The following FARS2 variants were observed in gnomAD, a reference collection of about 807,000 sequenced individuals.
The protein encoded by FARS2 is phenylalanine--tRNA ligase, mitochondrial.
A neutral mutation model predicts 46.4 loss-of-function variants in FARS2; 40 were observed. The observed-to-expected ratio is 0.86, with a 90% CI of 0.67 to 1.12. FARS2 has a LOEUF of 1.12. Ranked by LOEUF, FARS2 falls within the 50% of genes most tolerant of loss-of-function variation. The pLI is 0.00. For missense variants in FARS2, 513 were observed against 567.9 expected, an observed-to-expected ratio of 0.90 and a Z score of 0.98; for synonymous variants, 234 against 214.9, an observed-to-expected ratio of 1.09 and a Z score of -0.78.
chr6:5,418,533 T>G (rs1762369332), intron 3 of FARS2, among the ~76,000 whole-genome samples: 1 of 152,220 alleles, frequency 6.6e-6, no homozygotes, highest in Non-Finnish European at 1.5e-5. Flanking sequence ...CTATTCCTGG[T>G]CCTGTGTGAG....
chr6:5,555,669 G>A (rs543403911), intron 5 of FARS2, among the ~76,000 whole-genome samples: 131 of 152,236 alleles, frequency 8.6e-4, no homozygotes, highest in South Asian at 1.5e-3. Flanking sequence ...TTGTGTTGCA[G>A]TGAAATTCAT....
chr6:5,399,127 TTTATTATTA>T (rs56236107), intron 2 of FARS2, among the ~76,000 whole-genome samples: 6,833 of 125,638 alleles, frequency 0.054, 241 homozygotes, highest in Middle Eastern at 0.1. Flanking sequence ...TTTATATTAT[TTTATTATTA>T]TTATTATTAT....
chr6:5,588,864 T>G (rs1245350377), intron 5 of FARS2, among the ~76,000 whole-genome samples: 1 of 152,232 alleles, frequency 6.6e-6, no homozygotes, highest in Admixed American at 6.5e-5. Context: ...AGGCCACGCC[T>G]GCCTGTCTTT....
rs148059230 is a variant in FARS2, at chr6:5,343,225, T to C, written c.-21-25325T>C. 1.3e-5 allele frequency among the ~76,000 whole-genome samples: 2 copies of C among 152,306 alleles called. No individual in the cohort carries two copies. Among genetic ancestry groups the C allele is most frequent in the African/African-American group, 4.8e-5 (2 of 41,576 alleles). Reference sequence around the variant, plus strand: ...TTTCATTTATTTATCTATTTATTTATTTAGAGATGGAATTTCGCTCTCGTT... The same window carrying C: ...TTTCATTTATTTATCTATTTATTTACTTAGAGATGGAATTTCGCTCTCGTT... On this transcript the variant is annotated intron_variant, in intron 1 of 6. Transcript: ENST00000274680. This position sits in a 1 kb window ranked among gnomAD's most constrained non-coding sequence, Gnocchi z 4.5.
At chr6:5,463,682 T>C (rs762915692) in intron 4 of FARS2, among the ~76,000 whole-genome samples, 1 of 144,434 alleles carries the variant, frequency 6.9e-6, no homozygotes, top group Admixed American at 7.0e-5. Context: ...TCAACAGCAT[T>C]ATGAGCAGAT....
At position 5,562,695 on chromosome 6, in the gene FARS2, TACAC is replaced by T. The variant is rs35980009; in HGVS notation, c.1065+17385_1065+17388del. Among the ~76,000 whole-genome samples, 156 of 135,762 alleles carry T rather than the reference TACAC, an allele frequency of 1.1e-3. 1 individual carries two copies. The highest frequency in any genetic ancestry group is 3.9e-3 in the South Asian group (17 of 4,366). The allele number at this position is 135,762 out of a possible 152,430, so 89.1% of individuals were successfully genotyped here. A position where few individuals can be genotyped will look rare whatever the true frequency, so the allele number is the denominator to read the frequency against. ...ACAACCTTGACTCCACTGTAATTTATACACACACACACACACACACACACACACA... is the reference window on the plus strand; with the variant it reads ...ACAACCTTGACTCCACTGTAATTTATACACACACACACACACACACACACA... On this transcript the variant is annotated intron_variant, in intron 5 of 6. Transcript: ENST00000274680.
chr6:5,442,465 T>A (rs1314977137), intron 4 of FARS2, among the ~76,000 whole-genome samples: 1 of 152,084 alleles, frequency 6.6e-6, no homozygotes, highest in African/African-American at 2.4e-5. Context: ...TTTCTTTATA[T>A]AACATCATTC....
intron 5 of FARS2, among the ~76,000 whole-genome samples, chr6:5,557,470 A>G (rs1043434031): frequency 8.5e-5 from 13 of 152,130 alleles, no homozygotes; most frequent in African/African-American, 2.7e-4. Context: ...CTTCCCTCAC[A>G]TCTCATTTTC....
At chr6:5,266,890 T>C (rs1765582442) in intron 1 of FARS2, among the ~76,000 whole-genome samples, 1 of 151,524 alleles carries the variant, frequency 6.6e-6, no homozygotes, top group Non-Finnish European at 1.5e-5. Context: ...CTTTTTTAGG[T>C]TGTCTATTTA....
chr6:5,409,850 T>C (rs2127728679), intron 3 of FARS2, among the ~76,000 whole-genome samples: 1 of 152,314 alleles, frequency 6.6e-6, no homozygotes, highest in East Asian at 1.9e-4. Context: ...CCCTGGTGTG[T>C]TTCTGCCGGT....
intron 6 of FARS2, among the ~76,000 whole-genome samples, chr6:5,670,834 T>G (rs916268122): frequency 6.6e-6 from 1 of 152,198 alleles, no homozygotes; most frequent in Admixed American, 6.5e-5. Flanking sequence ...TCAGTTCTAC[T>G]GATGGTGTAA....
At chr6:5,427,207 A>C (rs1053840803) in intron 3 of FARS2, among the ~76,000 whole-genome samples, 11 of 152,216 alleles carry the variant, frequency 7.2e-5, no homozygotes, top group Non-Finnish European at 4.4e-5. Flanking sequence ...TATTCTCTTC[A>C]ATAAATGATT....
At chr6:5,740,068 C>T (rs563648591) in intron 6 of FARS2, among the ~76,000 whole-genome samples, 29 of 152,314 alleles carry the variant, frequency 1.9e-4, no homozygotes, top group Non-Finnish European at 3.7e-4. Context: ...TCCATGCTTC[C>T]GACCACTGCA....
intron 6 of FARS2, among the ~76,000 whole-genome samples, chr6:5,728,591 G>A (rs1582842005): frequency 2.0e-5 from 3 of 152,142 alleles, no homozygotes; most frequent in South Asian, 4.1e-4. Context: ...AACACATTGT[G>A]CGCCGTGGAT....
intron 1 of FARS2, among the ~76,000 whole-genome samples, chr6:5,318,712 T>C (rs1769743058): frequency 6.6e-6 from 1 of 152,144 alleles, no homozygotes; most frequent in African/African-American, 2.4e-5. Context: ...TCTAGAGCTT[T>C]CCCCTTGGCT....
chr6:5,296,039 C>G (rs1479332134), intron 1 of FARS2, among the ~76,000 whole-genome samples: 2 of 150,532 alleles, frequency 1.3e-5, no homozygotes, highest in African/African-American at 2.4e-5. Flanking sequence ...CTCACTGCAA[C>G]TCTAGGAGGT....
At chr6:5,608,889 T>TC (rs1775002869) in intron 5 of FARS2, among the ~76,000 whole-genome samples, 1 of 64,156 alleles carries the variant, frequency 1.6e-5, no homozygotes, top group Non-Finnish European at 3.8e-5. Flanking sequence ...ATACAGCACA[T>TC]TAAAAAAAAA....
At chr6:5,527,557 T>C (rs1319248111) in intron 4 of FARS2, among the ~76,000 whole-genome samples, 1 of 152,250 alleles carries the variant, frequency 6.6e-6, no homozygotes, top group Non-Finnish European at 1.5e-5. Flanking sequence ...ACTCCTCTTA[T>C]GGATATGACT....
intron 5 of FARS2, among the ~76,000 whole-genome samples, chr6:5,588,978 T>C (rs992550292): frequency 6.6e-6 from 1 of 152,220 alleles, no homozygotes; most frequent in African/African-American, 2.4e-5. Context: ...CCTAATAGTC[T>C]TTCTTGACAG....
Sources: gnomAD v4.1 joint callset for allele counts (sites outside exome capture counted in the v4.1 genomes callset) on GRCh38, gnomAD v4.1.1 for gene constraint, Gnocchi (gnomAD v3.1) non-coding constraint, MANE v1.5 for transcripts, NCBI Gene and HGNC (gene_info 2026-07-23, HGNC 2026-07-21) for gene names.